The following FUT8 variants were observed in gnomAD, a reference collection of about 807,000 sequenced individuals.
FUT8 encodes the protein alpha-(1,6)-fucosyltransferase.
FUT8 carries 29 observed loss-of-function variants against 71.3 expected under a neutral mutation model. The observed-to-expected ratio is 0.41, with a 90% CI of 0.30 to 0.55. FUT8 has a LOEUF of 0.55. Ranked by LOEUF, FUT8 falls within the 20% of genes least tolerant of loss-of-function variation. FUT8 has a pLI of 0.34. For missense variants in FUT8, 544 were observed against 702.1 expected (o/e 0.77, Z 2.55); for synonymous variants, 254 against 239.3 (o/e 1.06, Z -0.57).
intron 3 of FUT8, among the ~76,000 whole-genome samples, chr14:65,569,389 G>A (rs1267942505): frequency 1.3e-5 from 2 of 151,468 alleles, no homozygotes; most frequent in Non-Finnish European, 3.0e-5. Flanking sequence ...ATGGCTTTAT[G>A]TGTCTTTCAT....
chr14:65,631,632 G>T (rs1890184012), intron 6 of FUT8, among the ~76,000 whole-genome samples: 1 of 120,554 alleles, frequency 8.3e-6, no homozygotes, highest in Admixed American at 9.5e-5. Context: ...CCATTGGAAG[G>T]AAAAGGTGAT....
At chr14:65,723,252 G>C (rs1170468719) in intron 8 of FUT8, among the ~76,000 whole-genome samples, 1 of 151,912 alleles carries the variant, frequency 6.6e-6, no homozygotes, top group Non-Finnish European at 1.5e-5. Flanking sequence ...TTGAGCCTGG[G>C]AGGCAGAGAT....
At chr14:65,615,157 C>A (rs1889216488) in intron 3 of FUT8, among the ~76,000 whole-genome samples, 1 of 152,180 alleles carries the variant, frequency 6.6e-6, no homozygotes, top group Non-Finnish European at 1.5e-5. Flanking sequence ...AATGCAGTGA[C>A]ATGATCATAG....
chr14:65,559,668 C>A (rs757983441), intron 2 of FUT8, among the ~76,000 whole-genome samples: 1 of 151,894 alleles, frequency 6.6e-6, no homozygotes, highest in Non-Finnish European at 1.5e-5. Context: ...GCTGACGTAC[C>A]GAATTGAATC....
intron 7 of FUT8, among the ~76,000 whole-genome samples, chr14:65,708,807 G>T (rs1328417184): frequency 6.6e-6 from 1 of 152,124 alleles, no homozygotes; most frequent in African/African-American, 2.4e-5. Context: ...CATAGGAAGA[G>T]TAGAAAGGTG....
intron 6 of FUT8, among the ~76,000 whole-genome samples, chr14:65,633,704 C>A (rs1332852330): frequency 1.3e-5 from 2 of 151,212 alleles, no homozygotes; most frequent in Non-Finnish European, 3.0e-5. Flanking sequence ...CGTCTCTGCC[C>A]GGCTGCCCCA....
chr14:65,610,657 G>A (rs1888839900), intron 3 of FUT8, among the ~76,000 whole-genome samples: 1 of 151,894 alleles, frequency 6.6e-6, no homozygotes, highest in Admixed American at 6.6e-5. Flanking sequence ...CCAAAGTGCT[G>A]GGATTACAGG....
chr14:65,570,395 A>G (rs1301695779), intron 3 of FUT8, among the ~76,000 whole-genome samples: 1 of 142,216 alleles, frequency 7.0e-6, no homozygotes, highest in Admixed American at 7.2e-5. Flanking sequence ...TAAAAGGATT[A>G]TATTTGCAAG....
Position 65,574,506 on chromosome 14 carries a change from A to T in FUT8, c.203+12740A>T, listed in dbSNP as rs1010534293. Among the ~76,000 whole-genome samples the T allele has an allele frequency of 6.6e-6, 1 of 152,204 alleles. No individual in the cohort carries two copies. Among genetic ancestry groups the T allele is most frequent in the East Asian group, 1.9e-4 (1 of 5,198 alleles). ...TTTTCATTGTGTACCAACACTTTAC[A>T]TAAATTATCTTATTCAGAAGTTAAG... On this transcript the variant is annotated intron_variant, in intron 3 of 10. Coordinates refer to ENST00000673929, the MANE Select transcript of FUT8 (RefSeq NM_001371533.1). This position sits in a 1 kb window ranked among gnomAD's most constrained non-coding sequence, Gnocchi z 5.2.
At chr14:65,718,999 T>A (rs1855164295) in intron 7 of FUT8, among the ~76,000 whole-genome samples, 1 of 152,222 alleles carries the variant, frequency 6.6e-6, no homozygotes, top group Admixed American at 6.5e-5. Context: ...AATATTGATA[T>A]CTTTGTCTAG....
chr14:65,516,796 T>G (rs1566796391), intron 2 of FUT8, among the ~76,000 whole-genome samples: 1 of 152,062 alleles, frequency 6.6e-6, no homozygotes, highest in Non-Finnish European at 1.5e-5. Flanking sequence ...TTCATTGTTA[T>G]GCAACCATCA....
chr14:65,525,811 C>A (rs1301171951), intron 2 of FUT8, among the ~76,000 whole-genome samples: 1 of 152,142 alleles, frequency 6.6e-6, no homozygotes, highest in Non-Finnish European at 1.5e-5. Context: ...GCCTTCATTT[C>A]GTTACGTACC....
intron 7 of FUT8, among the ~76,000 whole-genome samples, chr14:65,711,040 G>A (rs1894790342): frequency 6.6e-6 from 1 of 152,094 alleles, no homozygotes. Flanking sequence ...CTTTCATGAG[G>A]GATCTGCCCC....
chr14:65,619,149 T>C (rs1889467925), intron 5 of FUT8, among the ~76,000 whole-genome samples: 1 of 152,200 alleles, frequency 6.6e-6, no homozygotes. Flanking sequence ...TCAGAAGTGT[T>C]CTGTGGTGAA....
intron 3 of FUT8, 56 bp downstream of exon 3, chr14:65,561,822 T>C (rs2140045104): frequency 1.4e-6 from 2 of 1,406,238 alleles, no homozygotes; most frequent in East Asian, 4.6e-5. Flanking sequence ...TGTTTTTAGG[T>C]GTAGGGCTTC....
intron 2 of FUT8, among the ~76,000 whole-genome samples, chr14:65,558,630 G>A (rs963320340): frequency 2.6e-5 from 4 of 152,158 alleles, no homozygotes; most frequent in African/African-American, 7.2e-5. Context: ...TTGTATTTTA[G>A]CAAGCATGGT....
rs1435279515 is a variant in FUT8, at chr14:65,574,806, G to A, written c.203+13040G>A. ...TGTGGCGCAATGTCTTGCTTCCCTTGGTTCCTAGTACAAAGATTAAAGGGG... is the reference window on the plus strand; with the variant it reads ...TGTGGCGCAATGTCTTGCTTCCCTTAGTTCCTAGTACAAAGATTAAAGGGG... On this transcript the variant is annotated intron_variant, in intron 3 of 10. Coordinates refer to ENST00000673929, the MANE Select transcript of FUT8 (RefSeq NM_001371533.1). The surrounding 1 kb of genome is among the most constrained non-coding windows in gnomAD (Gnocchi z 5.2). Among the ~76,000 whole-genome samples the A allele has an allele frequency of 6.6e-6, 1 of 152,194 alleles. No individual in the cohort carries two copies. The highest frequency in any genetic ancestry group is 1.5e-5 in the Non-Finnish European group (1 of 68,012).
At chr14:65,681,819 T>C (rs1387049484) in intron 7 of FUT8, among the ~76,000 whole-genome samples, 3 of 152,206 alleles carry the variant, frequency 2.0e-5, no homozygotes, top group Admixed American at 6.5e-5. Context: ...ATAACCCTTA[T>C]TATCCACATT....
chr14:65,633,744 C>T (rs1466781201), intron 6 of FUT8, among the ~76,000 whole-genome samples: 4 of 151,772 alleles, frequency 2.6e-5, no homozygotes, highest in African/African-American at 9.7e-5. Context: ...CTCTGCCAGG[C>T]AGCCGCCCCG....
Sources: allele counts gnomAD v4.1 joint callset (sites outside exome capture counted in the v4.1 genomes callset), GRCh38; gene constraint gnomAD v4.1.1; non-coding constraint Gnocchi (gnomAD v3.1); transcripts MANE v1.5; gene names NCBI Gene and HGNC (gene_info 2026-07-23, HGNC 2026-07-21).